Variants in ELOC observed in about 807,000 individuals in gnomAD.
ELOC encodes elongin-C.
For missense variants in ELOC, 38 were observed against 139.0 expected, an observed-to-expected ratio of 0.27 and a Z score of 3.65; for synonymous variants, 40 against 51.3, an observed-to-expected ratio of 0.78 and a Z score of 0.94.
intron 3 of ELOC, among the ~76,000 whole-genome samples, chr8:73,952,287 C>T (rs571522371): frequency 7.2e-5 from 11 of 151,926 alleles, no homozygotes; most frequent in Middle Eastern, 3.4e-3. Context: ...ACCTGTAATC[C>T]CAGCTATTCA....
At chr8:73,965,251 C>A (rs2131174632) in intron 1 of ELOC, among the ~76,000 whole-genome samples, 1 of 152,058 alleles carries the variant, frequency 6.6e-6, no homozygotes, top group Admixed American at 6.5e-5. Flanking sequence ...AACATTATTA[C>A]TTATCAGTGA....
intron 1 of ELOC, among the ~76,000 whole-genome samples, chr8:73,969,187 T>C (rs1240019524): frequency 6.6e-6 from 1 of 152,234 alleles, no homozygotes; most frequent in East Asian, 1.9e-4. Context: ...AAGTCCCATA[T>C]AGAACTTCTG....
intron 3 of ELOC, among the ~76,000 whole-genome samples, chr8:73,955,035 G>GAA (rs34453392): frequency 0.022 from 1,379 of 62,246 alleles, 22 homozygotes; most frequent in African/African-American, 0.041. Flanking sequence ...CTCCATCTCG[G>GAA]AAAAAAAAAA....
chr8:73,965,553 A>T (rs1039629686), intron 1 of ELOC, among the ~76,000 whole-genome samples: 2 of 152,256 alleles, frequency 1.3e-5, no homozygotes, highest in African/African-American at 2.4e-5. Context: ...CGATTTATAT[A>T]AAATTATAGA....
chr8:73,958,096 T>G (rs1480982156), intron 2 of ELOC, among the ~76,000 whole-genome samples: 1 of 149,880 alleles, frequency 6.7e-6, no homozygotes, highest in African/African-American at 2.5e-5. Context: ...TTTATGGTTT[T>G]TTTTTTTTTT....
chr8:73,947,681 C>T lies in ELOC; in HGVS notation c.149-861G>A, dbSNP rs1388166381. 4.6e-5 allele frequency among the ~76,000 whole-genome samples: 7 copies of T among 151,840 alleles called. No homozygotes were observed. In the East Asian group the frequency reaches 1.4e-3, roughly 30 times the overall value. On this transcript the variant is annotated intron_variant, in intron 3 of 3. Coordinates refer to ENST00000520242, the MANE Select transcript of ELOC (RefSeq NM_005648.4). ...CCCTGCCTCCTGGGCTCAAGTGATC[C>T]TCCCACCTCAGCCTCCTCGAGTAGC...
chr8:73,963,170 T>G (rs1418009826), intron 1 of ELOC, among the ~76,000 whole-genome samples: 1 of 152,184 alleles, frequency 6.6e-6, no homozygotes, highest in Non-Finnish European at 1.5e-5. Context: ...TTGTGTATGT[T>G]TGTGTTTAAT....
chr8:73,965,093 A>G (rs938401183), intron 1 of ELOC, among the ~76,000 whole-genome samples: 1 of 151,862 alleles, frequency 6.6e-6, no homozygotes, highest in Non-Finnish European at 1.5e-5. Context: ...AAATGAAGTC[A>G]AGCCACGAAC....
chr8:73,966,613 A>G (rs1199039962), intron 1 of ELOC, among the ~76,000 whole-genome samples: 2 of 151,270 alleles, frequency 1.3e-5, no homozygotes, highest in Non-Finnish European at 2.9e-5. Context: ...CTTCCTGAGT[A>G]GCCTGCTACC....
intron 2 of ELOC, among the ~76,000 whole-genome samples, chr8:73,957,186 AAG>A (rs1280421751): frequency 6.6e-6 from 1 of 151,926 alleles, no homozygotes; most frequent in Non-Finnish European, 1.5e-5. Context: ...AAAAAAAAAA[AAG>A]TATGCATTTA....
At chr8:73,970,896 T>A in intron 1 of ELOC, among the ~76,000 whole-genome samples, 1 of 142,396 alleles carries the variant, frequency 7.0e-6, no homozygotes, top group African/African-American at 2.7e-5. Flanking sequence ...TAGCCGGCAG[T>A]GGTGGTGCGC....
intron 3 of ELOC, among the ~76,000 whole-genome samples, chr8:73,948,610 T>C (rs762212648): frequency 1.3e-5 from 2 of 152,212 alleles, no homozygotes; most frequent in Non-Finnish European, 2.9e-5. Flanking sequence ...ATTTAAACTA[T>C]TTAACTGTTT....
rs1011242179 is a variant in ELOC at position 73,945,452 on chromosome 8, A to T, written c.*1178T>A. 2.6e-5 allele frequency: 4 copies of T among 152,154 alleles called. No homozygotes were observed. Among genetic ancestry groups the T allele is most frequent in the African/African-American group, 9.7e-5 (4 of 41,434 alleles). 9.4% of individuals were successfully genotyped at this position (152,154 alleles called of 1,614,324 possible). On this transcript the variant is annotated 3_prime_UTR_variant, in exon 4 of 4. Transcript: ENST00000520242. ...CCAGTCTCAAATAAGCTGGAGACTT[A>T]AGTTTATAGACCCTATAATGACAAC...
chr8:73,962,839 G>A (rs1222458825), intron 1 of ELOC, among the ~76,000 whole-genome samples: 1 of 152,158 alleles, frequency 6.6e-6, no homozygotes, highest in South Asian at 2.1e-4. Flanking sequence ...TCCCACCTTT[G>A]AAAGGGAAAA....
chr8:73,966,911 C>A (rs1301844566), intron 1 of ELOC, among the ~76,000 whole-genome samples: 1 of 152,150 alleles, frequency 6.6e-6, no homozygotes, highest in Non-Finnish European at 1.5e-5. Context: ...TTGATTTCAG[C>A]CCTCCATATA....
intron 3 of ELOC, among the ~76,000 whole-genome samples, chr8:73,947,489 A>G (rs1028646266): frequency 6.6e-6 from 1 of 152,214 alleles, no homozygotes; most frequent in Non-Finnish European, 1.5e-5. Flanking sequence ...TTGTTATGGC[A>G]GCCCTAGCAA....
chr8:73,950,013 G>T (rs1377935332), intron 3 of ELOC, among the ~76,000 whole-genome samples: 3 of 152,216 alleles, frequency 2.0e-5, no homozygotes, highest in Admixed American at 2.0e-4. Context: ...GGAGTGGGGG[G>T]TACAATTCAA....
At chr8:73,967,234 C>T (rs1815047654) in intron 1 of ELOC, among the ~76,000 whole-genome samples, 1 of 152,100 alleles carries the variant, frequency 6.6e-6, no homozygotes, top group Admixed American at 6.6e-5. Flanking sequence ...AACAACCTCT[C>T]CTCCACCCGT....
At chr8:73,960,918 C>T (rs1050347507) in intron 1 of ELOC, among the ~76,000 whole-genome samples, 4 of 151,798 alleles carry the variant, frequency 2.6e-5, no homozygotes, top group Non-Finnish European at 4.4e-5. Context: ...CTGAGACCAG[C>T]CTGGACAACA....
Sources: allele counts gnomAD v4.1 joint callset (sites outside exome capture counted in the v4.1 genomes callset), GRCh38; gene constraint gnomAD v4.1.1; transcripts MANE v1.5; gene names NCBI Gene and HGNC (gene_info 2026-07-23, HGNC 2026-07-21).